The following STAMBPL1 variants were observed in gnomAD, a reference collection of about 807,000 sequenced individuals.
STAMBPL1 encodes the protein AMSH-like protease.
STAMBPL1 carries 44 observed loss-of-function variants against 52.9 expected under a neutral mutation model. That is an observed-to-expected ratio of 0.83 (90% CI 0.65 to 1.07). The LOEUF is 1.07. STAMBPL1 is among the 50% of genes least tolerant of loss of function. STAMBPL1 has a pLI of 0.00. For synonymous variants in STAMBPL1, 164 were observed against 177.3 expected, an observed-to-expected ratio of 0.92 and a Z score of 0.60; for missense variants, 511 against 520.8, an observed-to-expected ratio of 0.98 and a Z score of 0.18.
intron 3 of STAMBPL1, among the ~76,000 whole-genome samples, chr10:88,907,132 T>C (rs1394717513): frequency 1.3e-5 from 2 of 152,226 alleles, no homozygotes; most frequent in Non-Finnish European, 2.9e-5. Context: ...AGTATTTGTG[T>C]TTCTGTGCCT....
At chr10:88,908,905 A>G (rs1031532834) in intron 4 of STAMBPL1, 128 bp downstream of exon 4, 6 of 721,732 alleles carry the variant, frequency 8.3e-6, no homozygotes, top group Non-Finnish European at 1.3e-5. Context: ...CATTCCATTA[A>G]CTATGATGTT....
intron 8 of STAMBPL1, among the ~76,000 whole-genome samples, chr10:88,919,747 T>C (rs1231832972): frequency 6.6e-6 from 1 of 152,172 alleles, no homozygotes; most frequent in African/African-American, 2.4e-5. Context: ...ATATGCCAAG[T>C]GTTATTTTTT....
rs778364498 is a variant in STAMBPL1 at position 88,923,244 on chromosome 10, C to T, written c.*20C>T. ...AGGTGATATGTTCTGAATGTAAGCA[C>T]CGTCAACATCAGACACCTACTCATG... On this transcript the variant is annotated 3_prime_UTR_variant, in exon 11 of 11. Transcript: ENST00000371926. 6.3e-7 allele frequency: 1 copy of T among 1,586,326 alleles called. No homozygotes were observed. Among genetic ancestry groups the T allele is most frequent in the South Asian group, 1.2e-5 (1 of 84,992 alleles).
At chr10:88,883,619 G>T (rs1332556920) in intron 1 of STAMBPL1, among the ~76,000 whole-genome samples, 3 of 152,192 alleles carry the variant, frequency 2.0e-5, no homozygotes, top group African/African-American at 7.2e-5. Flanking sequence ...AAGTGGACAG[G>T]CCAATTTAAC....
intron 3 of STAMBPL1, among the ~76,000 whole-genome samples, chr10:88,908,091 C>G (rs866753205): frequency 6.6e-6 from 1 of 152,190 alleles, no homozygotes; most frequent in South Asian, 2.1e-4. Flanking sequence ...AGTTTCTTCA[C>G]TTTACCTGGA....
chr10:88,908,020 A>G (rs966357443), intron 3 of STAMBPL1, among the ~76,000 whole-genome samples: 3 of 152,302 alleles, frequency 2.0e-5, no homozygotes, highest in East Asian at 3.9e-4. Context: ...GCTGGATGCT[A>G]TTCTTCAGGC....
At chr10:88,891,300 G>A (rs1424095028) in intron 1 of STAMBPL1, among the ~76,000 whole-genome samples, 1 of 152,074 alleles carries the variant, frequency 6.6e-6, no homozygotes, top group Non-Finnish European at 1.5e-5. Context: ...AAAGAAAATA[G>A]GTCCACTTGA....
rs146660494 is a variant in STAMBPL1, at chr10:88,905,002, A to G, written c.31-441A>G. 1.1e-4 allele frequency among the ~76,000 whole-genome samples: 16 copies of G among 152,282 alleles called. No homozygotes were observed. The East Asian group carries it at 2.7e-3, about 26-fold the overall frequency. On this transcript the variant is annotated intron_variant, in intron 2 of 10. Transcript: ENST00000371926. The stretch of plus-strand genomic sequence containing the variant: ...TTCTGGAATAGAATTGAATCTTTAT[A>G]GTAACTTGAATCCAAGTTACCTCCT...
chr10:88,922,809 A>G (rs1483374267), intron 10 of STAMBPL1, among the ~76,000 whole-genome samples: 1 of 152,116 alleles, frequency 6.6e-6, no homozygotes, highest in African/African-American at 2.4e-5. Flanking sequence ...TAGTTTTTTC[A>G]TAGCAATTGA....
intron 1 of STAMBPL1, among the ~76,000 whole-genome samples, chr10:88,896,143 C>T (rs879113657): frequency 7.2e-5 from 11 of 152,272 alleles, no homozygotes; most frequent in South Asian, 2.1e-4. Context: ...ATGATCATTT[C>T]GTTTTTATCT....
At chr10:88,922,257 G>A (rs1845531753) in intron 9 of STAMBPL1, 80 bp from the exon 10 acceptor site, 2 of 1,248,564 alleles carry the variant, frequency 1.6e-6, no homozygotes, top group Non-Finnish European at 2.3e-6. Context: ...GAATATGTAT[G>A]TGTGTGCTGT....
intron 1 of STAMBPL1, among the ~76,000 whole-genome samples, chr10:88,887,378 CGTA>C (rs1844563620): frequency 1.3e-5 from 2 of 151,866 alleles, no homozygotes; most frequent in Non-Finnish European, 2.9e-5. Flanking sequence ...TTATGGCACA[CGTA>C]GTTATTTTTC....
intron 5 of STAMBPL1, 34 bp from the exon 6 acceptor site, chr10:88,913,067 A>C (rs201952960): frequency 3.1e-5 from 47 of 1,521,816 alleles, no homozygotes; most frequent in Non-Finnish European, 4.1e-5. Flanking sequence ...CTCCTTGGAA[A>C]CTAACCTTCT....
intron 8 of STAMBPL1, among the ~76,000 whole-genome samples, chr10:88,920,006 A>T (rs991465120): frequency 2.6e-5 from 4 of 152,016 alleles, no homozygotes; most frequent in Non-Finnish European, 5.9e-5. Context: ...CTAGCTAATT[A>T]AAAAAACTTT....
At chr10:88,896,949 A>T (rs1034042425) in intron 1 of STAMBPL1, among the ~76,000 whole-genome samples, 3 of 152,200 alleles carry the variant, frequency 2.0e-5, no homozygotes, top group Non-Finnish European at 4.4e-5. Context: ...GCACCATGCT[A>T]GGTCAGATAT....
At chr10:88,896,392 A>G (rs114226921) in intron 1 of STAMBPL1, among the ~76,000 whole-genome samples, 519 of 152,326 alleles carry the variant, frequency 3.4e-3, no homozygotes, top group African/African-American at 0.012. Context: ...TCTGTCATTT[A>G]AGACATGGGA....
chr10:88,892,249 A>G (rs1844703902), intron 1 of STAMBPL1, among the ~76,000 whole-genome samples: 1 of 152,002 alleles, frequency 6.6e-6, no homozygotes, highest in South Asian at 2.1e-4. Context: ...GTGCATAAAA[A>G]CATCCTGGGC....
At chr10:88,898,738 G>T (rs991542793) in intron 1 of STAMBPL1, among the ~76,000 whole-genome samples, 1 of 152,098 alleles carries the variant, frequency 6.6e-6, no homozygotes, top group Non-Finnish European at 1.5e-5. Context: ...TTGTTTCATT[G>T]TTTCTGCTCA....
intron 1 of STAMBPL1, among the ~76,000 whole-genome samples, chr10:88,891,540 T>A (rs951806458): frequency 2.6e-5 from 4 of 152,340 alleles, no homozygotes; most frequent in East Asian, 1.9e-4. Context: ...AAAAATAGTA[T>A]CGTGGAGAAA....
Sources: allele counts gnomAD v4.1 joint callset (sites outside exome capture counted in the v4.1 genomes callset), GRCh38; gene constraint gnomAD v4.1.1; transcripts MANE v1.5; gene names NCBI Gene and HGNC (gene_info 2026-07-23, HGNC 2026-07-21).